The following VPS8 variants were observed in gnomAD, a reference collection of about 807,000 sequenced individuals.
VPS8 encodes the protein vacuolar protein sorting-associated protein 8 homolog.
In VPS8, 129 loss-of-function variants were observed where a neutral mutation model predicts 216.4. The observed-to-expected ratio is 0.60, with a 90% CI of 0.52 to 0.69. The LOEUF is 0.69. VPS8 is among the 30% of genes least tolerant of loss of function. The probability of loss-of-function intolerance (pLI) is 0.00; values close to 1 mark genes in which losing one functional copy is unlikely to be tolerated. For missense variants in VPS8, 1,531 were observed against 1,683.5 expected, an observed-to-expected ratio of 0.91 and a Z score of 1.59; for synonymous variants, 571 against 565.4, an observed-to-expected ratio of 1.01 and a Z score of -0.14.
At chr3:184,821,497 C>A (rs1363048306) in intron 1 of VPS8, among the ~76,000 whole-genome samples, 2 of 152,048 alleles carry the variant, frequency 1.3e-5, no homozygotes, top group African/African-American at 2.4e-5. Context: ...GCACACGCCA[C>A]CACGCTTGGC....
chr3:185,029,959 ATTTAC>A (rs1757891715), intron 46 of VPS8, among the ~76,000 whole-genome samples: 2 of 152,226 alleles, frequency 1.3e-5, no homozygotes, highest in South Asian at 4.1e-4. Context: ...ATTGGTATGT[ATTTAC>A]TTTATTTAAA....
rs9854747 is a variant in VPS8 at position 185,000,586 on chromosome 3, G to C, written c.4002+725G>C. ...ATTCACATCACATAGTGAAAAGTTG[G>C]GCTTGTTACTTTTCTCTTTTCGTTT... is the stretch of plus-strand genomic sequence containing the variant. On this transcript the variant is annotated intron_variant, in intron 45 of 47. Transcript: ENST00000625842. Among the ~76,000 whole-genome samples the C allele has an allele frequency of 3.3e-3, 499 of 150,214 alleles. 2 individuals carry two copies. The highest frequency in any genetic ancestry group is 0.012 in the African/African-American group (481 of 40,838).
intron 21 of VPS8, among the ~76,000 whole-genome samples, chr3:184,884,622 A>AT (rs980363249): frequency 5.3e-5 from 8 of 150,664 alleles, no homozygotes; most frequent in South Asian, 4.2e-4. Flanking sequence ...TAACAGGCAG[A>AT]TTTTTTTTTT....
intron 45 of VPS8, among the ~76,000 whole-genome samples, chr3:185,009,251 A>C (rs1284040031): frequency 6.6e-6 from 1 of 152,354 alleles, no homozygotes; most frequent in Middle Eastern, 3.4e-3. Flanking sequence ...TGAGATAAGG[A>C]CATAAGAAAT....
chr3:184,972,568 A>T (rs1333763062), intron 40 of VPS8, among the ~76,000 whole-genome samples: 2 of 152,316 alleles, frequency 1.3e-5, no homozygotes, highest in Non-Finnish European at 2.9e-5. Flanking sequence ...AGATCAATTA[A>T]ATTAAAGTCT....
intron 42 of VPS8, among the ~76,000 whole-genome samples, chr3:184,984,227 G>C (rs1015471496): frequency 2.1e-5 from 3 of 143,232 alleles, no homozygotes; most frequent in African/African-American, 7.8e-5. Context: ...AGCTTCTGGG[G>C]CTTTTCTGAT....
rs925424529 is a variant in VPS8, at chr3:184,922,291, A to G, written c.2454+2093A>G. 2.1e-5 allele frequency: 6 copies of G among 279,096 alleles called. No homozygotes were observed. In the Admixed American group the frequency reaches 2.2e-4, roughly 10 times the overall value. 17.3% of individuals were successfully genotyped at this position (279,096 alleles called of 1,614,324 possible). A position where few individuals can be genotyped will look rare whatever the true frequency, so the allele number is the denominator to read the frequency against. ...CTTGTCTGTGCTCAGGCAACACTTT[A>G]TGCTTCAGTTAGCACACTGTAGTGT... On this transcript the variant is annotated intron_variant, in intron 29 of 47. Coordinates refer to ENST00000625842, the MANE Select transcript of VPS8 (RefSeq NM_001009921.3).
At chr3:184,843,309 A>G in intron 8 of VPS8, 64 bp downstream of exon 8, 1 of 1,212,658 alleles carries the variant, frequency 8.2e-7, no homozygotes, top group Non-Finnish European at 1.1e-6. Flanking sequence ...TTGGAAGAGA[A>G]TGCTACCAAT....
intron 26 of VPS8, 56 bp from the exon 27 acceptor site, chr3:184,914,925 C>G: frequency 6.6e-7 from 1 of 1,525,820 alleles, no homozygotes; most frequent in South Asian, 1.1e-5. Flanking sequence ...GTGTTACTCG[C>G]TTGAAAGTTA....
chr3:185,039,498 C>G (rs909837133), intron 46 of VPS8, among the ~76,000 whole-genome samples: 2 of 149,982 alleles, frequency 1.3e-5, no homozygotes, highest in African/African-American at 4.9e-5. Context: ...TAGCCTGATA[C>G]GTTAGAAGCC....
intron 46 of VPS8, among the ~76,000 whole-genome samples, chr3:185,043,136 A>G (rs754721423): frequency 6.6e-6 from 1 of 152,182 alleles, no homozygotes; most frequent in African/African-American, 2.4e-5. Context: ...CGAGCAGCCC[A>G]TGAAACCGTA....
intron 21 of VPS8, among the ~76,000 whole-genome samples, chr3:184,880,203 T>C (rs184580321): frequency 1.4e-3 from 216 of 152,298 alleles, no homozygotes; most frequent in Admixed American, 3.5e-3. Flanking sequence ...CATGAAACTA[T>C]GGTACAGTCG....
intron 17 of VPS8, 109 bp downstream of exon 17, chr3:184,867,059 C>A: frequency 4.1e-6 from 4 of 980,012 alleles, no homozygotes; most frequent in South Asian, 1.7e-5. Context: ...TATTGGTCAG[C>A]AATTATCCTA....
At chr3:184,813,578 GA>G (rs1006483476) in intron 1 of VPS8, among the ~76,000 whole-genome samples, 2 of 151,980 alleles carry the variant, frequency 1.3e-5, no homozygotes, top group Admixed American at 6.6e-5. Context: ...AAGATAAATG[GA>G]AAAAAAATTC....
chr3:184,944,797 T>C (rs7616451), intron 36 of VPS8, among the ~76,000 whole-genome samples: 96 of 152,296 alleles, frequency 6.3e-4, no homozygotes, highest in African/African-American at 1.9e-3. Context: ...AGTAACTTTG[T>C]CAAGGAGCAA....
At chr3:184,967,235 AT>A (rs1747570018) in intron 39 of VPS8, among the ~76,000 whole-genome samples, 1 of 152,152 alleles carries the variant, frequency 6.6e-6, no homozygotes, top group Admixed American at 6.5e-5. Context: ...AGGTGGTGAG[AT>A]TGTAGACATA....
intron 43 of VPS8, 85 bp from the exon 44 acceptor site, chr3:184,996,247 A>G (rs1256027462): frequency 2.8e-6 from 4 of 1,423,444 alleles, no homozygotes; most frequent in Middle Eastern, 3.7e-4. Flanking sequence ...TGAAAACTAA[A>G]CAAGTGCTAT....
At chr3:185,045,534 G>A (rs1375722126) in intron 46 of VPS8, among the ~76,000 whole-genome samples, 1 of 152,088 alleles carries the variant, frequency 6.6e-6, no homozygotes, top group African/African-American at 2.4e-5. Flanking sequence ...ACTTTGGGAG[G>A]CCGAGGCAGG....
chr3:184,888,652 T>G (rs1393824104), intron 22 of VPS8, among the ~76,000 whole-genome samples: 1 of 152,206 alleles, frequency 6.6e-6, no homozygotes, highest in East Asian at 1.9e-4. Flanking sequence ...CATTTTCAGA[T>G]GAGGAAGTGG....
Sources: allele counts gnomAD v4.1 joint callset (sites outside exome capture counted in the v4.1 genomes callset), GRCh38; gene constraint gnomAD v4.1.1; transcripts MANE v1.5; gene names NCBI Gene and HGNC (gene_info 2026-07-23, HGNC 2026-07-21).